GRM3: variants seen among roughly 807,000 people sequenced by gnomAD.
GRM3 encodes glutamate metabotropic receptor 3.
In GRM3, 26 loss-of-function variants were observed where a neutral mutation model predicts 70.5. That is an observed-to-expected ratio of 0.37 (90% CI 0.27 to 0.51). The LOEUF is 0.51. Among genes scored for constraint, GRM3 ranks in the 20% least tolerant of loss-of-function variants. GRM3 has a pLI of 0.93. For missense variants in GRM3, 859 were observed against 1,123.8 expected, an observed-to-expected ratio of 0.76 and a Z score of 3.37; for synonymous variants, 443 against 434.9, an observed-to-expected ratio of 1.02 and a Z score of -0.23.
At chr7:86,707,421 A>T (rs1287933739) in intron 1 of GRM3, among the ~76,000 whole-genome samples, 1 of 152,060 alleles carries the variant, frequency 6.6e-6, no homozygotes, top group Non-Finnish European at 1.5e-5. Flanking sequence ...CTTCCGTGAC[A>T]GAGAGTGTGG....
At chr7:86,667,509 G>A (rs1194757621) in intron 1 of GRM3, among the ~76,000 whole-genome samples, 1 of 151,970 alleles carries the variant, frequency 6.6e-6, no homozygotes, top group Admixed American at 6.6e-5. Context: ...CTCTCTATGT[G>A]ACTAAGTTTT....
At chr7:86,797,895 C>T (rs946421435) in intron 3 of GRM3, among the ~76,000 whole-genome samples, 1 of 152,152 alleles carries the variant, frequency 6.6e-6, no homozygotes, top group Non-Finnish European at 1.5e-5. Context: ...TGCCTGCATC[C>T]CAGCCGTGGC....
At chr7:86,790,566 C>A (rs1420201929) in intron 3 of GRM3, among the ~76,000 whole-genome samples, 1 of 152,164 alleles carries the variant, frequency 6.6e-6, no homozygotes, top group Non-Finnish European at 1.5e-5. Context: ...CCTTGTTTCA[C>A]TCATAGTGAA....
chr7:86,675,243 G>A (rs997439598), intron 1 of GRM3, among the ~76,000 whole-genome samples: 1 of 152,022 alleles, frequency 6.6e-6, no homozygotes, highest in South Asian at 2.1e-4. Flanking sequence ...ATACACTTTA[G>A]TTCTTTCTGG....
At chr7:86,752,226 A>G (rs1337673869) in intron 1 of GRM3, among the ~76,000 whole-genome samples, 1 of 152,092 alleles carries the variant, frequency 6.6e-6, no homozygotes, top group East Asian at 1.9e-4. Flanking sequence ...ACTGTAGATA[A>G]CTTTGGTATG....
At chr7:86,709,407 C>A (rs916575188) in intron 1 of GRM3, among the ~76,000 whole-genome samples, 6 of 152,040 alleles carry the variant, frequency 3.9e-5, no homozygotes, top group African/African-American at 1.2e-4. Flanking sequence ...TGCTTCTGCA[C>A]CCTCATTCTA....
intron 1 of GRM3, among the ~76,000 whole-genome samples, chr7:86,731,969 G>T (rs776422269): frequency 5.3e-5 from 8 of 152,004 alleles, no homozygotes; most frequent in African/African-American, 1.9e-4. Context: ...TATTTGTTGA[G>T]CTTAATTTAA....
intron 1 of GRM3, among the ~76,000 whole-genome samples, chr7:86,714,577 A>G (rs1189619722): frequency 6.6e-6 from 1 of 152,042 alleles, no homozygotes; most frequent in South Asian, 2.1e-4. Flanking sequence ...CTTTTTAAAT[A>G]CTACACTATG....
At chr7:86,656,016 T>C (rs1450374745) in intron 1 of GRM3, among the ~76,000 whole-genome samples, 1 of 152,090 alleles carries the variant, frequency 6.6e-6, no homozygotes, top group Non-Finnish European at 1.5e-5. Flanking sequence ...GATTCCCATT[T>C]CCCTTCCAGG....
intron 1 of GRM3, among the ~76,000 whole-genome samples, chr7:86,720,571 C>T (rs556769892): frequency 9.9e-5 from 15 of 152,150 alleles, no homozygotes; most frequent in Admixed American, 7.9e-4. Context: ...ATATCTTGGC[C>T]GTGCCATGAG....
chr7:86,774,478 C>A (rs545140858), intron 2 of GRM3, among the ~76,000 whole-genome samples: 54 of 152,042 alleles, frequency 3.6e-4, no homozygotes, highest in Admixed American at 7.2e-4. Context: ...TTGTGGAAAT[C>A]CCTTTGTTAC....
At chr7:86,845,782 A>C (rs1051958210) in intron 4 of GRM3, among the ~76,000 whole-genome samples, 1 of 152,196 alleles carries the variant, frequency 6.6e-6, no homozygotes, top group Non-Finnish European at 1.5e-5. Context: ...TGGCTCAACC[A>C]TATGAGGTCC....
chr7:86,680,773 C>CT (rs1168118221), intron 1 of GRM3, among the ~76,000 whole-genome samples: 1 of 152,106 alleles, frequency 6.6e-6, no homozygotes, highest in African/African-American at 2.4e-5. Context: ...CTCCCAGCCC[C>CT]TTCCCATTTC....
Position 86,679,297 on chromosome 7 carries a change from T to C in GRM3, c.-141+34425T>C, listed in dbSNP as rs995053449. Among the ~76,000 whole-genome samples, 7 of 152,088 alleles carry C rather than the reference T, an allele frequency of 4.6e-5. No individual in the cohort carries two copies. The South Asian group carries it at 1.4e-3, about 31-fold the overall frequency. On this transcript the variant is annotated intron_variant, in intron 1 of 5. Coordinates refer to ENST00000361669, the MANE Select transcript of GRM3 (RefSeq NM_000840.3). Reference sequence around the variant, plus strand: ...TGATAAGTTATGCGATAAAACAATATACATACACAAATATATTTTGATTAA... The same window carrying C: ...TGATAAGTTATGCGATAAAACAATACACATACACAAATATATTTTGATTAA...
At position 86,838,876 on chromosome 7, in the gene GRM3, C is replaced by G; in HGVS notation, c.1362C>G (p.Val454=). 6.2e-7 allele frequency: 1 copy of G among 1,612,294 alleles called. No homozygotes were observed. Among genetic ancestry groups the G allele is most frequent in the South Asian group, 1.1e-5 (1 of 90,860 alleles). ...FNPNKDADSI[V]KFDTFGDGMG... ...CAAATAAAGATGCAGATAGCATAGT[C>G]AAGTTTGACACTTTTGGAGATGGAA... is the stretch of plus-strand genomic sequence containing the variant. The change falls in exon 4 of 6, where the codon GTC becomes GTG. Residue 454 remains valine (V), a synonymous_variant. Coordinates refer to ENST00000361669, the MANE Select transcript of GRM3 (RefSeq NM_000840.3).
At chr7:86,687,094 A>C (rs11972907) in intron 1 of GRM3, among the ~76,000 whole-genome samples, 242 of 152,102 alleles carry the variant, frequency 1.6e-3, no homozygotes, top group African/African-American at 5.3e-3. Context: ...TCTAGGAAAA[A>C]AGTCAGGGAA....
chr7:86,696,058 A>C (rs724226), intron 1 of GRM3, among the ~76,000 whole-genome samples: 1 of 151,452 alleles, frequency 6.6e-6, no homozygotes, highest in East Asian at 1.9e-4. Flanking sequence ...AACACTTGCT[A>C]CTCCTCTACA....
Position 86,786,593 on chromosome 7 carries a change from C to G in GRM3, c.801C>G (p.Pro267=). The change falls in exon 3 of 6, where the codon CCC becomes CCG. Residue 267 remains proline, a synonymous_variant. Coordinates refer to ENST00000361669, the MANE Select transcript of GRM3 (RefSeq NM_000840.3). The surrounding 1 kb of genome is among the most constrained non-coding windows in gnomAD (Gnocchi z 6.0). ...DSVIRELLQK[P]NARVVVLFMR... ...TGATCCGAGAACTGTTGCAGAAGCCCAACGCGCGCGTCGTGGTCCTCTTCA... is the reference window on the plus strand; with the variant it reads ...TGATCCGAGAACTGTTGCAGAAGCCGAACGCGCGCGTCGTGGTCCTCTTCA... 2 of 1,613,744 alleles carry G rather than the reference C, an allele frequency of 1.2e-6. No homozygotes were observed. Among genetic ancestry groups the G allele is most frequent in the East Asian group, 4.5e-5 (2 of 44,890 alleles).
intron 5 of GRM3, among the ~76,000 whole-genome samples, chr7:86,856,691 CAGCTACAA>C (rs1798855979): frequency 6.6e-6 from 1 of 152,076 alleles, no homozygotes; most frequent in African/African-American, 2.4e-5. Context: ...ATAGAGTCTC[CAGCTACAA>C]TAGGTAACTC....
Sources: gnomAD v4.1 joint callset for allele counts (sites outside exome capture counted in the v4.1 genomes callset) on GRCh38, gnomAD v4.1.1 for gene constraint, Gnocchi (gnomAD v3.1) non-coding constraint, MANE v1.5 for transcripts, NCBI Gene and HGNC (gene_info 2026-07-23, HGNC 2026-07-21) for gene names.